VPS9D1: variants seen among roughly 807,000 people sequenced by gnomAD.
The protein encoded by VPS9D1 is VPS9 domain containing 1.
A neutral mutation model predicts 75.8 loss-of-function variants in VPS9D1; 78 were observed. The ratio of observed to expected loss-of-function variants is 1.03; its 90% CI spans 0.86 to 1.24. The LOEUF (loss-of-function observed/expected upper bound fraction) is 1.24, where lower values mean the gene tolerates loss of function less well. Among genes scored for constraint, VPS9D1 ranks in the 50% most tolerant of loss-of-function variants. The pLI is 0.00. For missense variants in VPS9D1, 1,057 were observed against 847.7 expected (o/e 1.25, Z -3.07); for synonymous variants, 481 against 385.6 (o/e 1.25, Z -2.90).
Position 89,712,525 on chromosome 16 carries a change from G to C in VPS9D1, c.544-3C>G, listed in dbSNP as rs530744785. The C allele has an allele frequency of 3.8e-6, 6 of 1,599,016 alleles. No individual in the cohort carries two copies. The highest frequency in any genetic ancestry group is 5.1e-6 in the Non-Finnish European group (6 of 1,177,762). On this transcript the variant is annotated splice_polypyrimidine_tract_variant and splice_region_variant and intron_variant, in intron 5 of 14. Coordinates refer to ENST00000389386, the MANE Select transcript of VPS9D1 (RefSeq NM_004913.3). ...ATCTGCCGCTGTAGAGAGAGGGTCT[G>C]GGGGGGGAGGAGGGAGTAAGGCCGA...
Sources: gnomAD v4.1 joint callset for allele counts on GRCh38, gnomAD v4.1.1 for gene constraint, MANE v1.5 for transcripts, NCBI Gene and HGNC (gene_info 2026-07-23, HGNC 2026-07-21) for gene names.